Variants in MUC17 observed in about 807,000 individuals in gnomAD.
The protein encoded by MUC17 is mucin-17.
Under a neutral mutation model 170.3 loss-of-function variants are expected in MUC17, and 190 were observed. The ratio of observed to expected loss-of-function variants is 1.12; its 90% CI spans 0.99 to 1.26. The LOEUF is 1.26. MUC17 is among the 50% of genes most tolerant of loss of function. The pLI, the probability that MUC17 is intolerant of heterozygous loss-of-function variation, is 0.00. For missense variants in MUC17, 6,415 were observed against 5,530.0 expected (o/e 1.16, Z -5.08); for synonymous variants, 2,325 against 2,002.5 (o/e 1.16, Z -4.30).
In MUC17 at chr7:101,039,584, T is replaced by A; in HGVS notation, c.8168T>A (p.Val2723Asp). ...STTPVDTSTPVTTSAEASSSP... is the reference protein window; with the variant it reads ...STTPVDTSTPDTTSAEASSSP... The stretch of plus-strand genomic sequence containing the variant: ...ACTCCTGTTGACACCAGCACACCTG[T>A]CACCACTTCTGCTGAAGCCAGTTCT... Residue 2723 changes from valine (V) to aspartate (D), a missense_variant, in exon 3 of 13, where the codon GTC (valine) becomes GAC (aspartate). Transcript: ENST00000306151. 1 of 1,612,596 alleles carries A rather than the reference T, an allele frequency of 6.2e-7. No homozygotes were observed. The highest frequency in any genetic ancestry group is 8.5e-7 in the Non-Finnish European group (1 of 1,179,212).
Position 101,033,918 on chromosome 7 carries a change from C to T in MUC17, c.2502C>T (p.Asn834=), listed in dbSNP as rs746760559. ...TTTCAACAACTCCTGTTGACTCCAACAGTCCTGTGACCACTTCTACTGAAG... is the reference window on the plus strand; with the variant it reads ...TTTCAACAACTCCTGTTGACTCCAATAGTCCTGTGACCACTTCTACTGAAG... The part of the protein sequence containing the change: ...STLSTTPVDS[N]SPVTTSTEVS... The change falls in exon 3 of 13, where the codon AAC becomes AAT. Residue 834 remains asparagine, a synonymous_variant. Transcript: ENST00000306151. 3 of 1,613,600 alleles carry T rather than the reference C, an allele frequency of 1.9e-6. No individual in the cohort carries two copies.
In MUC17 at chr7:101,022,231, A is replaced by G. The variant is rs1166134343; in HGVS notation, c.82+2014A>G. Among the ~76,000 whole-genome samples, 28 of 138,598 alleles carry G rather than the reference A, an allele frequency of 2.0e-4. No homozygotes were observed. In the Admixed American group the frequency reaches 2.3e-3, roughly 11 times the overall value. The allele number at this position is 138,598 out of a possible 152,430, so 90.9% of individuals were successfully genotyped here. A position where few individuals can be genotyped will look rare whatever the true frequency, so the allele number is the denominator to read the frequency against. On this transcript the variant is annotated intron_variant, in intron 1 of 12. Coordinates refer to ENST00000306151, the MANE Select transcript of MUC17 (RefSeq NM_001040105.2). ...TCCCAGGCTGGAGTGCGGTGGCGCC[A>G]TCTCAGCTCACTGCAACCTCCACCT...
chr7:101,034,245 A>ACC lies in MUC17; in HGVS notation c.2830_2831insCC (p.Leu944ProfsTer13), dbSNP rs1794386850. On this transcript the variant is annotated frameshift_variant, in exon 3 of 13. Coordinates refer to ENST00000306151, the MANE Select transcript of MUC17 (RefSeq NM_001040105.2). LOFTEE classifies it high-confidence loss of function. ...CGGTAGTCAGTTCTGAGGCTAGAAC[A>ACC]CTTTCAGCAACTCCTGTTGACACCA... is the stretch of plus-strand genomic sequence containing the variant. The ACC allele has an allele frequency of 1.3e-6, 2 of 1,551,254 alleles. No individual in the cohort carries two copies. The highest frequency in any genetic ancestry group is 3.1e-5 in the African/African-American group (2 of 64,752).
In MUC17 at chr7:101,041,020, A is replaced by C. The variant is rs778940489; in HGVS notation, c.9604A>C (p.Thr3202Pro). 38 of 1,612,538 alleles carry C rather than the reference A, an allele frequency of 2.4e-5. No individual in the cohort carries two copies. The highest frequency in any genetic ancestry group is 3.1e-5 in the Non-Finnish European group (36 of 1,179,680). The stretch of plus-strand genomic sequence containing the variant: ...ACCTGTGACCACTTCTACTGAAGCC[A>C]CTTCATCTACAACTGCTGAAGGTAC... ...STPVTTSTEA[T>P]SSTTAEGTSI... is the part of the protein sequence containing the mutation. The change falls in exon 3 of 13, where the codon ACT becomes CCT. Residue 3202 changes from threonine to proline, a missense_variant. Thr to Pro is a conservative substitution (Grantham distance 38). Coordinates refer to ENST00000306151, the MANE Select transcript of MUC17 (RefSeq NM_001040105.2).
At chr7:101,030,627 G>A (rs893773476) in intron 1 of MUC17, among the ~76,000 whole-genome samples, 4 of 152,132 alleles carry the variant, frequency 2.6e-5, no homozygotes, top group East Asian at 1.9e-4. Context: ...AGAGTGCAGT[G>A]GTGCCATCAT....
rs888041105 is a variant in MUC17 at position 101,042,900 on chromosome 7, T to G, written c.11484T>G (p.Ser3828Arg). 2 of 1,613,872 alleles carry G rather than the reference T, an allele frequency of 1.2e-6. No homozygotes were observed. The highest frequency in any genetic ancestry group is 1.7e-6 in the Non-Finnish European group (2 of 1,179,956). Residue 3828 changes from serine (S) to arginine (R), a missense_variant, in exon 3 of 13, where the codon AGT becomes AGG. Transcript: ENST00000306151. ...TVLISPISVMSPSEASTLSTP... is the reference protein window; with the variant it reads ...TVLISPISVMRPSEASTLSTP... The stretch of plus-strand genomic sequence containing the variant: ...TCATCAGCCCTATATCTGTGATGAG[T>G]CCTTCTGAGGCCAGCACACTTTCAA...
chr7:101,041,981 T>A lies in MUC17; in HGVS notation c.10565T>A (p.Met3522Lys), dbSNP rs201010246. Residue 3522 changes from methionine to lysine, a missense_variant, in exon 3 of 13, where the codon ATG (methionine) becomes AAG (lysine). Physicochemically the swap from Met to Lys is moderately conservative, Grantham distance 95 (BLOSUM62 -1). Coordinates refer to ENST00000306151, the MANE Select transcript of MUC17 (RefSeq NM_001040105.2). The part of the protein sequence containing the change: ...AGEGSTPLTN[M>K]PVSTTPVASS... ...GAAGGAAGCACTCCATTAACAAATA[T>A]GCCTGTCAGCACCACACCGGTGGCC... is the stretch of plus-strand genomic sequence containing the variant. 1.2e-6 allele frequency: 2 copies of A among 1,613,650 alleles called. No individual in the cohort carries two copies. The highest frequency in any genetic ancestry group is 1.7e-6 in the Non-Finnish European group (2 of 1,179,666).
chr7:101,047,833 A>G, intron 3 of MUC17, 151 bp from the exon 4 acceptor site: 1 of 1,047,354 alleles, frequency 9.5e-7, no homozygotes, highest in Admixed American at 3.1e-5. Flanking sequence ...CTCGGACTCA[A>G]AAAACAAACA....
In MUC17 at chr7:101,039,163, A is replaced by G. The variant is rs375493740; in HGVS notation, c.7747A>G (p.Thr2583Ala). 27 of 1,613,846 alleles carry G rather than the reference A, an allele frequency of 1.7e-5. No homozygotes were observed. The highest frequency in any genetic ancestry group is 2.2e-5 in the Non-Finnish European group (26 of 1,179,960). The change falls in exon 3 of 13, where the codon ACC (threonine) becomes GCC (alanine). Residue 2583 changes from threonine to alanine, a missense_variant. Thr to Ala is a moderately conservative substitution (Grantham distance 58). Transcript: ENST00000306151. The part of the protein sequence containing the change: ...STPLRSMPVS[T>A]KPLASSEAST... ...TCCATTAAGAAGTATGCCTGTCAGC[A>G]CCAAGCCGTTGGCCAGTTCTGAGGC...
chr7:101,056,606 C>G (rs1057098639), intron 12 of MUC17, among the ~76,000 whole-genome samples: 2 of 152,188 alleles, frequency 1.3e-5, no homozygotes, highest in African/African-American at 4.8e-5. Context: ...TAAATACTTA[C>G]ATATTCCATC....
In MUC17 at chr7:101,020,123, G is replaced by A; in HGVS notation, c.-13G>A. 6.3e-7 allele frequency: 1 copy of A among 1,587,436 alleles called. No individual in the cohort carries two copies. Among genetic ancestry groups the A allele is most frequent in the Non-Finnish European group, 8.6e-7 (1 of 1,166,590 alleles). On this transcript the variant is annotated 5_prime_UTR_variant, in exon 1 of 13. Coordinates refer to ENST00000306151, the MANE Select transcript of MUC17 (RefSeq NM_001040105.2). ...TGGGGGTGACAGGCAAGTGAGACGTGCTCAGAGCTCCGATGCCAAGGCCAG... is the reference window on the plus strand; with the variant it reads ...TGGGGGTGACAGGCAAGTGAGACGTACTCAGAGCTCCGATGCCAAGGCCAG...
Position 101,036,199 on chromosome 7 carries a change from A to G in MUC17, c.4783A>G (p.Thr1595Ala), listed in dbSNP as rs1255602653. 2.5e-6 allele frequency: 4 copies of G among 1,613,984 alleles called. No homozygotes were observed. The highest frequency in any genetic ancestry group is 3.4e-6 in the Non-Finnish European group (4 of 1,179,968). Reference sequence around the variant, plus strand: ...CAGTTCTGAGGCTAACACCCTTTCAACAACCCCTATTGACTCCAAAACTCA... The same window carrying G: ...CAGTTCTGAGGCTAACACCCTTTCAGCAACCCCTATTGACTCCAAAACTCA... ...VVSSEANTLS[T>A]TPIDSKTQVT... Residue 1595 changes from threonine to alanine, a missense_variant, in exon 3 of 13, where the codon ACA (threonine) becomes GCA (alanine). Physicochemically the swap from Thr to Ala is moderately conservative, Grantham distance 58. Coordinates refer to ENST00000306151, the MANE Select transcript of MUC17 (RefSeq NM_001040105.2).
Position 101,033,273 on chromosome 7 carries a change from G to A in MUC17, c.1857G>A (p.Met619Ile). Reference sequence around the variant, plus strand: ...CTACAACTGCTGAAGGTACCAGCATGCCAACCTCAACTTACAGTGAAAGAG... The same window carrying A: ...CTACAACTGCTGAAGGTACCAGCATACCAACCTCAACTTACAGTGAAAGAG... ...SSSTTAEGTS[M>I]PTSTYSERGT... Residue 619 changes from methionine (M) to isoleucine (I), a missense_variant, in exon 3 of 13, where the codon ATG becomes ATA. Physicochemically the swap from Met to Ile is conservative, Grantham distance 10. Transcript: ENST00000306151. 1 of 1,613,656 alleles carries A rather than the reference G, an allele frequency of 6.2e-7. No individual in the cohort carries two copies. The highest frequency in any genetic ancestry group is 8.5e-7 in the Non-Finnish European group (1 of 1,179,928).
At position 101,037,547 on chromosome 7, in the gene MUC17, C is replaced by A. The variant is rs1318590307; in HGVS notation, c.6131C>A (p.Thr2044Asn). 9 of 1,613,876 alleles carry A rather than the reference C, an allele frequency of 5.6e-6. No individual in the cohort carries two copies. Among genetic ancestry groups the A allele is most frequent in the Non-Finnish European group, 6.8e-6 (8 of 1,179,930 alleles). The change falls in exon 3 of 13, where the codon ACT becomes AAT. Residue 2044 changes from threonine (T) to asparagine (N), a missense_variant. Coordinates refer to ENST00000306151, the MANE Select transcript of MUC17 (RefSeq NM_001040105.2). ...ACCTCAACTCCTAGTGAACGGACCA[C>A]TCCATTAGCAGGTATGCCTGTCAGC... ...IQTSTPSERTTPLAGMPVSTT... is the reference protein window; with the variant it reads ...IQTSTPSERTNPLAGMPVSTT...
rs372489048 is a variant in MUC17 at position 101,020,233 on chromosome 7, G to A, written c.82+16G>A. 16 of 1,595,632 alleles carry A rather than the reference G, an allele frequency of 1.0e-5. No individual in the cohort carries two copies. In the African/African-American group the frequency reaches 1.1e-4, roughly 11 times the overall value. ...GCAGAACAGGGTGAGTGACCCCCACGCCCCGCTGCCCAAGAGGCCCCCATC... is the reference window on the plus strand; with the variant it reads ...GCAGAACAGGGTGAGTGACCCCCACACCCCGCTGCCCAAGAGGCCCCCATC... On this transcript the variant is annotated intron_variant, in intron 1 of 12. Coordinates refer to ENST00000306151, the MANE Select transcript of MUC17 (RefSeq NM_001040105.2).
Position 101,042,117 on chromosome 7 carries a change from T to C in MUC17, c.10701T>C (p.Arg3567=). The change falls in exon 3 of 13, where the codon CGT becomes CGC. Residue 3567 remains arginine, a synonymous_variant. Coordinates refer to ENST00000306151, the MANE Select transcript of MUC17 (RefSeq NM_001040105.2). The part of the protein sequence containing the change: ...SPATLQVTTM[R]MSTPSEGSSS... ...CAACTCTTCAGGTCACCACTATGCG[T>C]ATGTCTACTCCAAGTGAAGGAAGCT... The C allele has an allele frequency of 4.3e-6, 7 of 1,613,988 alleles. No homozygotes were observed. Among genetic ancestry groups the C allele is most frequent in the Non-Finnish European group, 5.9e-6 (7 of 1,180,002 alleles).
rs1056781403 is a variant in MUC17, at chr7:101,051,534, C to G, written c.12875-79C>G. ...CCCATCGCAGCCCACCCCCTTCTCA[C>G]ACACACACGTCTCAGCTCCCTGAGG... is the stretch of plus-strand genomic sequence containing the variant. On this transcript the variant is annotated intron_variant, in intron 7 of 12. Transcript: ENST00000306151. 3 of 1,449,352 alleles carry G rather than the reference C, an allele frequency of 2.1e-6. No homozygotes were observed. In the East Asian group the frequency reaches 6.9e-5, roughly 33 times the overall value. 89.8% of individuals were successfully genotyped at this position (1,449,352 alleles called of 1,614,324 possible). A position where few individuals can be genotyped will look rare whatever the true frequency, so the allele number is the denominator to read the frequency against.
Position 101,032,308 on chromosome 7 carries a change from ACTC to A in MUC17, c.895_897del (p.Pro299del). The stretch of plus-strand genomic sequence containing the variant: ...TTCTGAGGCTAGCACCCTTTCAACA[ACTC>A]CTGCTGCCACCAACATTCCTGTGAT... On this transcript the variant is annotated inframe_deletion, in exon 3 of 13. Coordinates refer to ENST00000306151, the MANE Select transcript of MUC17 (RefSeq NM_001040105.2). 6.2e-7 allele frequency: 1 copy of A among 1,613,228 alleles called. No individual in the cohort carries two copies. Among genetic ancestry groups the A allele is most frequent in the Non-Finnish European group, 8.5e-7 (1 of 1,179,780 alleles).
rs147456175 is a variant in MUC17 at position 101,033,735 on chromosome 7, C to A, written c.2319C>A (p.Asp773Glu). ...GCACCCTTTCAACAACTCCTCTTGA[C>A]ACAAGCACACATATCACCACTTCTA... ...EASTLSTTPLDTSTHITTSTE... is the reference protein window; with the variant it reads ...EASTLSTTPLETSTHITTSTE... Residue 773 changes from aspartate (D) to glutamate (E), a missense_variant, in exon 3 of 13, where the codon GAC becomes GAA. Transcript: ENST00000306151. 22 of 1,613,776 alleles carry A rather than the reference C, an allele frequency of 1.4e-5. No individual in the cohort carries two copies. In the South Asian group the frequency reaches 2.3e-4, roughly 17 times the overall value.
Sources: gnomAD v4.1 joint callset for allele counts (sites outside exome capture counted in the v4.1 genomes callset) on GRCh38, gnomAD v4.1.1 for gene constraint, MANE v1.5 for transcripts, NCBI Gene and HGNC (gene_info 2026-07-23, HGNC 2026-07-21) for gene names.